ARHGAP35: variants seen among roughly 807,000 people sequenced by gnomAD.
The protein encoded by ARHGAP35 is rho GTPase-activating protein 35.
Under a neutral mutation model 111.1 loss-of-function variants are expected in ARHGAP35, and 15 were observed. The observed-to-expected ratio is 0.13, with a 90% confidence interval of 0.09 to 0.21. ARHGAP35 has a LOEUF of 0.21. ARHGAP35 is among the 10% of genes least tolerant of loss of function. The pLI is 1.00. For synonymous variants in ARHGAP35, 643 were observed against 710.3 expected (o/e 0.91, Z 1.51); for missense variants, 1,262 against 1,873.0 (o/e 0.67, Z 6.02).
chr19:46,898,452 G>A (rs7254274), intron 1 of ARHGAP35, among the ~76,000 whole-genome samples: 2,568 of 152,040 alleles, frequency 0.017, 76 homozygotes, highest in African/African-American at 0.057. Context: ...ATATACCTAG[G>A]GAGAAATTTT....
At chr19:46,946,305 G>A (rs1425703242) in intron 3 of ARHGAP35, among the ~76,000 whole-genome samples, 2 of 152,210 alleles carry the variant, frequency 1.3e-5, no homozygotes, top group South Asian at 4.1e-4. Context: ...CTTGGGAGGG[G>A]TCAGGGTACA....
rs563243494 is a variant in ARHGAP35, at chr19:46,897,829, G to T, written c.-188-20659G>T. On this transcript the variant is annotated intron_variant, in intron 1 of 6. Coordinates refer to ENST00000672722, the MANE Select transcript of ARHGAP35 (RefSeq NM_004491.5). Reference sequence around the variant, plus strand: ...ACTTCTTCCACCTTCCCTCACCAGTGGCTACATTTCAGGGCTGAAAGGGCT... The same window carrying T: ...ACTTCTTCCACCTTCCCTCACCAGTTGCTACATTTCAGGGCTGAAAGGGCT... 2.0e-5 allele frequency among the ~76,000 whole-genome samples: 3 copies of T among 152,254 alleles called. No individual in the cohort carries two copies. In the East Asian group the frequency reaches 5.8e-4, roughly 29 times the overall value.
intron 1 of ARHGAP35, among the ~76,000 whole-genome samples, chr19:46,880,436 A>G (rs577835657): frequency 3.2e-4 from 49 of 152,338 alleles, no homozygotes; most frequent in African/African-American, 1.2e-3. Flanking sequence ...GTCTCAAAAA[A>G]AAAGAAGCAA....
At chr19:46,880,203 C>T (rs568610469) in intron 1 of ARHGAP35, among the ~76,000 whole-genome samples, 5 of 152,088 alleles carry the variant, frequency 3.3e-5, no homozygotes, top group East Asian at 1.9e-4. Flanking sequence ...GAGGCTGAGG[C>T]GGGTGAGTCA....
intron 1 of ARHGAP35, among the ~76,000 whole-genome samples, chr19:46,866,150 C>T (rs2055855400): frequency 6.6e-6 from 1 of 152,118 alleles, no homozygotes; most frequent in Non-Finnish European, 1.5e-5. Context: ...CTGTTTTTCC[C>T]TTTTTTAAAA....
At chr19:46,928,618 C>G (rs560679292) in intron 2 of ARHGAP35, among the ~76,000 whole-genome samples, 1 of 152,196 alleles carries the variant, frequency 6.6e-6, no homozygotes, top group East Asian at 1.9e-4. Context: ...CACCAGACTT[C>G]ATGCCTTAAT....
Position 46,999,267 on chromosome 19 carries a change from C to T in ARHGAP35, c.4037-37C>T. ...GCCCTGGGGTGGCCACCAGCCTCGG[C>T]CATGAAAGGCAAGGCTTTGGTTTTC... On this transcript the variant is annotated intron_variant, in intron 5 of 6. Transcript: ENST00000672722. This position sits in a 1 kb window ranked among gnomAD's most constrained non-coding sequence, Gnocchi z 5.4. 6.7e-7 allele frequency: 1 copy of T among 1,492,166 alleles called. No homozygotes were observed. The highest frequency in any genetic ancestry group is 9.2e-7 in the Non-Finnish European group (1 of 1,091,514). The allele number at this position is 1,492,166 out of a possible 1,614,324, so 92.4% of individuals were successfully genotyped here. A position where few individuals can be genotyped will look rare whatever the true frequency, so the allele number is the denominator to read the frequency against.
Position 46,999,964 on chromosome 19 carries a change from C to T in ARHGAP35, c.4143-367C>T, listed in dbSNP as rs912170434. 6.1e-5 allele frequency: 17 copies of T among 276,660 alleles called. No individual in the cohort carries two copies. Among genetic ancestry groups the T allele is most frequent in the African/African-American group, 1.8e-4 (8 of 45,612 alleles). The allele number at this position is 276,660 out of a possible 1,614,324, so 17.1% of individuals were successfully genotyped here. On this transcript the variant is annotated intron_variant, in intron 6 of 6. Coordinates refer to ENST00000672722, the MANE Select transcript of ARHGAP35 (RefSeq NM_004491.5). This position sits in a 1 kb window ranked among gnomAD's most constrained non-coding sequence, Gnocchi z 5.4. Reference sequence around the variant, plus strand: ...ATGTGTGTGGAGGAGATCTGCTGGCCGAGTGGCCTCTGATGGCGCTCTGGC... The same window carrying T: ...ATGTGTGTGGAGGAGATCTGCTGGCTGAGTGGCCTCTGATGGCGCTCTGGC...
rs16980769 is a variant in ARHGAP35 at position 46,931,220 on chromosome 19, A to G, written c.3682-6044A>G. Among the ~76,000 whole-genome samples, 334 of 152,238 alleles carry G rather than the reference A, an allele frequency of 2.2e-3. 17 individuals are homozygous for G. The East Asian group carries it at 0.061, about 28-fold the overall frequency. On this transcript the variant is annotated intron_variant, in intron 2 of 6. Transcript: ENST00000672722. The stretch of plus-strand genomic sequence containing the variant: ...TCAATTTGAGAAAATAGAAAGGAAC[A>G]TTGGCCCAGTACATTATTGGAAACT...
intron 3 of ARHGAP35, among the ~76,000 whole-genome samples, chr19:46,955,715 G>A (rs1296978914): frequency 6.6e-6 from 1 of 151,996 alleles, no homozygotes; most frequent in African/African-American, 2.4e-5. Context: ...TGAAGGGAAG[G>A]ACTTACTCAG....
chr19:46,941,261 C>T (rs2056345298), intron 3 of ARHGAP35, among the ~76,000 whole-genome samples: 2 of 152,080 alleles, frequency 1.3e-5, no homozygotes, highest in South Asian at 2.1e-4. Flanking sequence ...GGAACTTATC[C>T]TTATTCTTCA....
intron 3 of ARHGAP35, among the ~76,000 whole-genome samples, chr19:46,978,734 A>G (rs1482228266): frequency 8.6e-3 from 129 of 15,056 alleles, no homozygotes; most frequent in African/African-American, 0.01. Context: ...TGTGTGGTGG[A>G]GTCTGTGTGG....
intron 1 of ARHGAP35, among the ~76,000 whole-genome samples, chr19:46,864,035 T>C (rs568020489): frequency 3.9e-5 from 6 of 152,222 alleles, no homozygotes; most frequent in East Asian, 1.9e-4. Context: ...TGAGTGCCTC[T>C]GGGCAGATCC....
chr19:46,934,657 A>G lies in ARHGAP35; in HGVS notation c.3682-2607A>G, dbSNP rs558266060. On this transcript the variant is annotated intron_variant, in intron 2 of 6. Coordinates refer to ENST00000672722, the MANE Select transcript of ARHGAP35 (RefSeq NM_004491.5). Reference sequence around the variant, plus strand: ...GCTAGGATTACAGGTGTGAGCCACCATACCCGGCCAGCCCTCTTATTTATT... The same window carrying G: ...GCTAGGATTACAGGTGTGAGCCACCGTACCCGGCCAGCCCTCTTATTTATT... Among the ~76,000 whole-genome samples the G allele has an allele frequency of 4.0e-5, 6 of 151,378 alleles. No homozygotes were observed. The South Asian group carries it at 8.4e-4, about 21-fold the overall frequency.
At chr19:46,900,860 C>T (rs562029527) in intron 1 of ARHGAP35, among the ~76,000 whole-genome samples, 3 of 152,322 alleles carry the variant, frequency 2.0e-5, no homozygotes, top group Non-Finnish European at 4.4e-5. Context: ...TCTTAACTCC[C>T]TTGCCTCCCT....
rs138526327 is a variant in ARHGAP35 at position 46,881,655 on chromosome 19, A to T, written c.-189+20446A>T. On this transcript the variant is annotated intron_variant, in intron 1 of 6. Transcript: ENST00000672722. ...GCACAGGTAGAATACAGTTAGCATG[A>T]TTCCTAAGGCCTGTAGGATTTTCAG... Among the ~76,000 whole-genome samples, 211 of 152,318 alleles carry T rather than the reference A, an allele frequency of 1.4e-3. 1 individual carries two copies. Among genetic ancestry groups the T allele is most frequent in the African/African-American group, 4.9e-3 (202 of 41,578 alleles).
chr19:46,934,266 A>T (rs982325572), intron 2 of ARHGAP35, among the ~76,000 whole-genome samples: 4 of 151,432 alleles, frequency 2.6e-5, no homozygotes, highest in African/African-American at 4.8e-5. Flanking sequence ...ACTTTAAATT[A>T]AAAAAAAATA....
chr19:46,971,263 G>A (rs533173452), intron 3 of ARHGAP35, among the ~76,000 whole-genome samples: 8 of 151,942 alleles, frequency 5.3e-5, no homozygotes, highest in African/African-American at 1.7e-4. Flanking sequence ...AAAATTAGCC[G>A]GGCGTGGTGG....
At chr19:46,892,735 A>C (rs2056031886) in intron 1 of ARHGAP35, among the ~76,000 whole-genome samples, 1 of 151,794 alleles carries the variant, frequency 6.6e-6, no homozygotes, top group Non-Finnish European at 1.5e-5. Flanking sequence ...GAAACCACCT[A>C]AATAATTGTT....
Sources: allele counts gnomAD v4.1 joint callset (sites outside exome capture counted in the v4.1 genomes callset), GRCh38; gene constraint gnomAD v4.1.1; non-coding constraint Gnocchi (gnomAD v3.1); transcripts MANE v1.5; gene names NCBI Gene and HGNC (gene_info 2026-07-23, HGNC 2026-07-21).